Variants in ELAPOR1 observed in about 807,000 individuals in gnomAD.
ELAPOR1 encodes endosome-lysosome associated apoptosis and autophagy regulator 1.
In ELAPOR1, 77 loss-of-function variants were observed where a neutral mutation model predicts 119.7. The observed-to-expected ratio is 0.64, with a 90% CI of 0.54 to 0.78. The LOEUF is 0.78. ELAPOR1 is among the 30% of genes least tolerant of loss of function. ELAPOR1 has a pLI of 0.00. For synonymous variants in ELAPOR1, 481 were observed against 487.2 expected (o/e 0.99, Z 0.17); for missense variants, 1,115 against 1,270.4 (o/e 0.88, Z 1.86).
chr1:109,197,642 G>A lies in ELAPOR1; in HGVS notation c.2290G>A (p.Asp764Asn). ...GVSSQPVSLA[D>N]RLIGVTTDMT... ...TTCCTCACAGCCTGTCAGCCTTGCT[G>A]ATCGACTTATTGGTGAGTAACTCCG... is the stretch of plus-strand genomic sequence containing the variant. The change falls in exon 16 of 22, where the codon GAT becomes AAT. Residue 764 changes from aspartate to asparagine, a missense_variant. Physicochemically the swap from Asp to Asn is conservative, Grantham distance 23. Coordinates refer to ENST00000369939, the MANE Select transcript of ELAPOR1 (RefSeq NM_020775.5). The A allele has an allele frequency of 6.2e-7, 1 of 1,613,948 alleles. No individual in the cohort carries two copies. Among genetic ancestry groups the A allele is most frequent in the South Asian group, 1.1e-5 (1 of 91,050 alleles).
intron 8 of ELAPOR1, chr1:109,187,739 T>C (rs1034279071): frequency 5.9e-6 from 5 of 843,180 alleles, no homozygotes; most frequent in Non-Finnish European, 7.3e-6. Flanking sequence ...ACTCAAAAAA[T>C]AAGTGGGGAC....
chr1:109,188,989 T>C, intron 9 of ELAPOR1, 77 bp from the exon 10 acceptor site: 1 of 1,563,330 alleles, frequency 6.4e-7, no homozygotes, highest in Non-Finnish European at 8.7e-7. Flanking sequence ...TTGCAACTTG[T>C]CTGTGTGGCA....
chr1:109,191,769 G>A lies in ELAPOR1; in HGVS notation c.1589G>A (p.Gly530Asp), dbSNP rs377324331. ...AACACTCCTGTGGAGACGTGGAAAGGTTCCAAAGGCAAACAGTCCTATACC... is the reference window on the plus strand; with the variant it reads ...AACACTCCTGTGGAGACGTGGAAAGATTCCAAAGGCAAACAGTCCTATACC... ...RTNTPVETWKGSKGKQSYTYI... is the reference protein window; with the variant it reads ...RTNTPVETWKDSKGKQSYTYI... Residue 530 changes from glycine (G) to aspartate (D), a missense_variant, in exon 13 of 22, where the codon GGT becomes GAT. By Grantham distance (94) the Gly-to-Asp change is moderately conservative. Transcript: ENST00000369939. The A allele has an allele frequency of 1.1e-4, 179 of 1,614,196 alleles. No individual in the cohort carries two copies. Among genetic ancestry groups the A allele is most frequent in the Non-Finnish European group, 1.5e-4 (173 of 1,180,034 alleles).
chr1:109,192,531 A>G, intron 13 of ELAPOR1, 80 bp from the exon 14 acceptor site: 1 of 1,413,256 alleles, frequency 7.1e-7, no homozygotes, highest in South Asian at 1.3e-5. Context: ...AAGATTAAGT[A>G]CCTTGCTCTT....
rs769528133 is a variant in ELAPOR1 at position 109,114,175 on chromosome 1, GACA to G, written c.-6_-4del. 6.3e-7 allele frequency: 1 copy of G among 1,581,350 alleles called. No individual in the cohort carries two copies. Among genetic ancestry groups the G allele is most frequent in the African/African-American group, 1.4e-5 (1 of 73,690 alleles). On this transcript the variant is annotated 5_prime_UTR_variant, in exon 1 of 22. Coordinates refer to ENST00000369939, the MANE Select transcript of ELAPOR1 (RefSeq NM_020775.5). ...TGAGCCGCTACTGCCGCTCACTCAG[GACA>G]ACGCTATGGCTGAGCCTGGGCACAG...
chr1:109,194,534 C>T lies in ELAPOR1; in HGVS notation c.2061C>T (p.Ser687=), dbSNP rs1653661819. 1.2e-6 allele frequency: 2 copies of T among 1,613,982 alleles called. No individual in the cohort carries two copies. The highest frequency in any genetic ancestry group is 1.1e-5 in the South Asian group (1 of 91,082). The change falls in exon 15 of 22, where the codon AGC becomes AGT. Residue 687 remains serine, a synonymous_variant. Coordinates refer to ENST00000369939, the MANE Select transcript of ELAPOR1 (RefSeq NM_020775.5). Reference sequence around the variant, plus strand: ...CTGTCACTCTTGCTGGAGGGCCAAGCTTCACTTCCAAAGGGCTGAAATACT... The same window carrying T: ...CTGTCACTCTTGCTGGAGGGCCAAGTTTCACTTCCAAAGGGCTGAAATACT... The part of the protein sequence containing the change: ...ANTVTLAGGP[S]FTSKGLKYFH...
chr1:109,133,184 T>G (rs1442744081), intron 1 of ELAPOR1, among the ~76,000 whole-genome samples: 2 of 152,030 alleles, frequency 1.3e-5, no homozygotes, highest in African/African-American at 4.8e-5. Flanking sequence ...GAGCTCTGAT[T>G]GCACCACTGC....
At chr1:109,134,557 G>A (rs950138035) in intron 1 of ELAPOR1, among the ~76,000 whole-genome samples, 4 of 152,152 alleles carry the variant, frequency 2.6e-5, no homozygotes, top group African/African-American at 9.7e-5. Flanking sequence ...CATCTGTCCA[G>A]TGAACAGCCA....
At chr1:109,163,563 A>G (rs541783363) in intron 2 of ELAPOR1, among the ~76,000 whole-genome samples, 1 of 113,090 alleles carries the variant, frequency 8.8e-6, no homozygotes, top group East Asian at 2.6e-4. Context: ...CAGCTAATTT[A>G]AACATTTTTT....
rs138190816 is a variant in ELAPOR1, at chr1:109,147,727, T to C, written c.154-14167T>C. Among the ~76,000 whole-genome samples the C allele has an allele frequency of 2.3e-3, 345 of 152,226 alleles. 3 individuals are homozygous for C. The highest frequency in any genetic ancestry group is 7.9e-3 in the African/African-American group (330 of 41,542). ...TGTGGGGAGATATGGGAGATCTCCATACCTTTTGTTCTGTTTTGCTGTGAA... is the reference window on the plus strand; with the variant it reads ...TGTGGGGAGATATGGGAGATCTCCACACCTTTTGTTCTGTTTTGCTGTGAA... On this transcript the variant is annotated intron_variant, in intron 1 of 21. Coordinates refer to ENST00000369939, the MANE Select transcript of ELAPOR1 (RefSeq NM_020775.5).
chr1:109,186,784 A>G (rs1011046331), intron 8 of ELAPOR1: 13 of 985,402 alleles, frequency 1.3e-5, no homozygotes, highest in African/African-American at 1.7e-5. Context: ...CTTCTGCCCC[A>G]TTCTCTTCCC....
intron 3 of ELAPOR1, among the ~76,000 whole-genome samples, chr1:109,169,361 T>C (rs1651789066): frequency 6.6e-6 from 1 of 152,120 alleles, no homozygotes; most frequent in African/African-American, 2.4e-5. Context: ...TGCCTCAGCC[T>C]CCTGAGGAGC....
At position 109,188,227 on chromosome 1, in the gene ELAPOR1, T is replaced by G; in HGVS notation, c.1092T>G (p.Leu364=). Residue 364 remains leucine (L), a synonymous_variant, in exon 9 of 22, where the codon CTT becomes CTG. Transcript: ENST00000369939. ...AGCCGAAAATCTGTAGCGAGGACCT[T>G]GAGGGGGCAGTGAAGCTGCCTGCCT... The part of the protein sequence containing the change: ...WAKPKICSED[L]EGAVKLPASG... 6.2e-7 allele frequency: 1 copy of G among 1,613,956 alleles called. No homozygotes were observed. Among genetic ancestry groups the G allele is most frequent in the Non-Finnish European group, 8.5e-7 (1 of 1,179,804 alleles).
At chr1:109,181,819 C>T (rs1454209508) in intron 7 of ELAPOR1, among the ~76,000 whole-genome samples, 1 of 152,070 alleles carries the variant, frequency 6.6e-6, no homozygotes, top group Non-Finnish European at 1.5e-5. Context: ...CCCACCTGTC[C>T]AGCCTAATAA....
At chr1:109,152,985 C>A (rs1650632046) in intron 1 of ELAPOR1, among the ~76,000 whole-genome samples, 1 of 148,912 alleles carries the variant, frequency 6.7e-6, no homozygotes, top group East Asian at 2.0e-4. Context: ...AAAAAAAGGA[C>A]CACGAAAAAT....
At chr1:109,181,663 C>T (rs587472) in intron 7 of ELAPOR1, among the ~76,000 whole-genome samples, 123,335 of 152,088 alleles carry the variant, frequency 0.81, 50,617 homozygotes, top group East Asian at 1. Flanking sequence ...CACCTTCCCA[C>T]GTTTTCAGCC....
At chr1:109,187,469 A>G (rs2101101385) in intron 8 of ELAPOR1, 1 of 999,224 alleles carries the variant, frequency 1.0e-6, no homozygotes, top group East Asian at 1.1e-4. Flanking sequence ...TTTCATATGT[A>G]TGGTATCTGC....
At chr1:109,182,499 G>C (rs977371666) in intron 7 of ELAPOR1, among the ~76,000 whole-genome samples, 1 of 152,036 alleles carries the variant, frequency 6.6e-6, no homozygotes, top group Admixed American at 6.6e-5. Flanking sequence ...GCTCAGAGAG[G>C]TTAAGTAACT....
chr1:109,134,251 G>A (rs1207486420), intron 1 of ELAPOR1, among the ~76,000 whole-genome samples: 4 of 152,128 alleles, frequency 2.6e-5, no homozygotes, highest in African/African-American at 9.7e-5. Context: ...CAATATCACA[G>A]TTTCCCGGAG....
Sources: gnomAD v4.1 joint callset for allele counts (sites outside exome capture counted in the v4.1 genomes callset) on GRCh38, gnomAD v4.1.1 for gene constraint, MANE v1.5 for transcripts, NCBI Gene and HGNC (gene_info 2026-07-23, HGNC 2026-07-21) for gene names.